FILIP1L: variants seen among roughly 807,000 people sequenced by gnomAD.
FILIP1L encodes the protein filamin A-interacting protein 1-like.
FILIP1L carries 55 observed loss-of-function variants against 96.6 expected under a neutral mutation model. That is an observed-to-expected ratio of 0.57 (90% CI 0.46 to 0.71). The LOEUF (loss-of-function observed/expected upper bound fraction) is 0.71. FILIP1L is among the 30% of genes least tolerant of loss of function. FILIP1L has a pLI of 0.00. For missense variants in FILIP1L, 1,304 were observed against 1,321.2 expected, an observed-to-expected ratio of 0.99 and a Z score of 0.20; for synonymous variants, 467 against 473.9, an observed-to-expected ratio of 0.99 and a Z score of 0.19.
At chr3:100,097,685 G>A (rs530533873) in intron 1 of FILIP1L, among the ~76,000 whole-genome samples, 4 of 152,092 alleles carry the variant, frequency 2.6e-5, no homozygotes, top group Non-Finnish European at 5.9e-5. Context: ...AAACTATTAG[G>A]TTATTTTCAG....
At chr3:99,890,807 T>A (rs1179857808) in intron 4 of FILIP1L, among the ~76,000 whole-genome samples, 1 of 152,092 alleles carries the variant, frequency 6.6e-6, no homozygotes, top group Non-Finnish European at 1.5e-5. Flanking sequence ...GCAGCTCTGA[T>A]TCTGCCATTT....
intron 1 of FILIP1L, among the ~76,000 whole-genome samples, chr3:99,944,086 A>G (rs1014638416): frequency 2.0e-5 from 3 of 152,234 alleles, no homozygotes; most frequent in Non-Finnish European, 4.4e-5. Flanking sequence ...ATGAGATAAG[A>G]AAATAACTAG....
chr3:99,854,141 G>A (rs146187077), intron 4 of FILIP1L, among the ~76,000 whole-genome samples: 26 of 152,236 alleles, frequency 1.7e-4, no homozygotes, highest in African/African-American at 5.3e-4. Context: ...GAAGTTTGAG[G>A]CTAGTTTTTG....
At chr3:100,076,196 A>AC (rs759103363) in intron 1 of FILIP1L, among the ~76,000 whole-genome samples, 4 of 152,120 alleles carry the variant, frequency 2.6e-5, no homozygotes, top group Non-Finnish European at 5.9e-5. Context: ...AGAGTTAAGT[A>AC]CCTCTTTTTG....
chr3:99,875,910 A>C (rs1705488629), intron 4 of FILIP1L, among the ~76,000 whole-genome samples: 1 of 152,212 alleles, frequency 6.6e-6, no homozygotes, highest in African/African-American at 2.4e-5. Context: ...GTTTTGTGTG[A>C]GTTGGAAACG....
chr3:99,867,012 T>A (rs2107571578), intron 4 of FILIP1L, among the ~76,000 whole-genome samples: 1 of 152,366 alleles, frequency 6.6e-6, no homozygotes, highest in South Asian at 2.1e-4. Context: ...AACTTCTGAA[T>A]ACTGAGAAGA....
At position 99,983,488 on chromosome 3, in the gene FILIP1L, A is replaced by G. The variant is rs369578377; in HGVS notation, c.-10-52458T>C. On this transcript the variant is annotated intron_variant, in intron 1 of 5. Coordinates refer to ENST00000477258, the MANE Select transcript of FILIP1L (RefSeq NM_001387850.1). ...TGTATATATATATATATATATATAT[A>G]TATATATATATATATATATATGTAT... Among the ~76,000 whole-genome samples the G allele has an allele frequency of 4.5e-3, 121 of 26,898 alleles. 4 individuals are homozygous for G. Among genetic ancestry groups the G allele is most frequent in the East Asian group, 0.014 (7 of 514 alleles). The allele number at this position is 26,898 out of a possible 152,430, so 17.6% of individuals were successfully genotyped here.
At chr3:99,988,213 T>C (rs1709402805) in intron 1 of FILIP1L, among the ~76,000 whole-genome samples, 1 of 151,706 alleles carries the variant, frequency 6.6e-6, no homozygotes, top group Non-Finnish European at 1.5e-5. Flanking sequence ...AAGTCTGAAA[T>C]TTGGCCGGGC....
intron 1 of FILIP1L, among the ~76,000 whole-genome samples, chr3:100,103,989 G>C (rs955667501): frequency 4.6e-5 from 7 of 152,300 alleles, no homozygotes; most frequent in Admixed American, 4.6e-4. Context: ...TCAGTTAGTA[G>C]AAGCGTCCTC....
At chr3:100,067,659 A>T (rs2065689727) in intron 1 of FILIP1L, among the ~76,000 whole-genome samples, 1 of 152,244 alleles carries the variant, frequency 6.6e-6, no homozygotes, top group Non-Finnish European at 1.5e-5. Context: ...TTCAATTTTC[A>T]GTAGTATACT....
chr3:99,997,607 T>C (rs1709721268), intron 1 of FILIP1L, among the ~76,000 whole-genome samples: 1 of 152,168 alleles, frequency 6.6e-6, no homozygotes, highest in African/African-American at 2.4e-5. Flanking sequence ...GTGGGAAGGA[T>C]AGCAGAGAAA....
intron 1 of FILIP1L, among the ~76,000 whole-genome samples, chr3:99,982,278 A>G (rs1353880434): frequency 1.3e-5 from 2 of 151,630 alleles, no homozygotes; most frequent in African/African-American, 4.8e-5. Flanking sequence ...GCATCCACCA[A>G]TTTAATCTGG....
At chr3:99,922,635 A>C (rs17313599) in intron 4 of FILIP1L, among the ~76,000 whole-genome samples, 12,017 of 152,258 alleles carry the variant, frequency 0.079, 554 homozygotes, top group Admixed American at 0.11. Flanking sequence ...TAGTTGAATA[A>C]GCCATTTGAG....
At position 99,830,534 on chromosome 3, in the gene FILIP1L, A is replaced by G. The variant is rs1159439819; in HGVS notation, c.3453T>C (p.Ile1151=). The change falls in exon 6 of 6, where the codon ATT becomes ATC. Residue 1151 remains isoleucine, a synonymous_variant. Coordinates refer to ENST00000477258, the MANE Select transcript of FILIP1L (RefSeq NM_001387850.1). ...TAGGCACTGTGGGGGCTTTAGTGGA[A>G]ATCTTGGTGATGCCTGTAGATTTCG... is the stretch of plus-strand genomic sequence containing the variant. ...PKPKSTGITK[I]STKAPTVPMD... is the part of the protein sequence containing the mutation. 2 of 456,566 alleles carry G rather than the reference A, an allele frequency of 4.4e-6. No individual in the cohort carries two copies. Among genetic ancestry groups the G allele is most frequent in the Admixed American group, 4.7e-5 (2 of 42,564 alleles). The allele number at this position is 456,566 out of a possible 1,614,324, so 28.3% of individuals were successfully genotyped here. A position where few individuals can be genotyped will look rare whatever the true frequency, so the allele number is the denominator to read the frequency against.
At chr3:99,904,730 A>G (rs1343923901) in intron 4 of FILIP1L, among the ~76,000 whole-genome samples, 1 of 151,926 alleles carries the variant, frequency 6.6e-6, no homozygotes, top group African/African-American at 2.4e-5. Context: ...CTTGCCTCCC[A>G]CACCCACTTC....
chr3:100,110,851 G>A (rs115309751), intron 1 of FILIP1L, among the ~76,000 whole-genome samples: 1,637 of 152,244 alleles, frequency 0.011, 33 homozygotes, highest in African/African-American at 0.037. Flanking sequence ...GTAGAAAATT[G>A]TCTGATCTGA....
chr3:100,021,998 G>A (rs2064834342), intron 1 of FILIP1L, among the ~76,000 whole-genome samples: 1 of 140,824 alleles, frequency 7.1e-6, no homozygotes, highest in Admixed American at 7.0e-5. Context: ...AGAGAGATAT[G>A]AGGGGGGCAC....
At chr3:99,875,396 C>G (rs2107592689) in intron 4 of FILIP1L, among the ~76,000 whole-genome samples, 1 of 152,242 alleles carries the variant, frequency 6.6e-6, no homozygotes, top group South Asian at 2.1e-4. Flanking sequence ...AAATATTACT[C>G]TAGAAATGAT....
In FILIP1L at chr3:100,034,795, A is replaced by G. The variant is rs369500375; in HGVS notation, c.-11+79258T>C. Among the ~76,000 whole-genome samples, 24 of 152,286 alleles carry G rather than the reference A, an allele frequency of 1.6e-4. No homozygotes were observed. In the East Asian group the frequency reaches 2.9e-3, roughly 18 times the overall value. The stretch of plus-strand genomic sequence containing the variant: ...GGCATGCTTTAAACCTAGACTTTCT[A>G]TGAAATATGCAGCCTTAGGAGAATA... On this transcript the variant is annotated intron_variant, in intron 1 of 5. Coordinates refer to ENST00000477258, the MANE Select transcript of FILIP1L (RefSeq NM_001387850.1).
Sources: allele counts gnomAD v4.1 joint callset (sites outside exome capture counted in the v4.1 genomes callset), GRCh38; gene constraint gnomAD v4.1.1; transcripts MANE v1.5; gene names NCBI Gene and HGNC (gene_info 2026-07-23, HGNC 2026-07-21).